The following USH2A variants were observed in gnomAD, a reference collection of about 807,000 sequenced individuals.
USH2A encodes the protein Usher syndrome 2A (autosomal recessive, mild).
In USH2A, 443 loss-of-function variants were observed where a neutral mutation model predicts 538.9. The ratio of observed to expected loss-of-function variants is 0.82; its 90% confidence interval spans 0.76 to 0.89. The LOEUF (loss-of-function observed/expected upper bound fraction) is 0.89. Among genes scored for constraint, USH2A ranks in the 40% least tolerant of loss-of-function variants. USH2A has a pLI of 0.00. For missense variants in USH2A, 6,633 were observed against 6,324.8 expected, an observed-to-expected ratio of 1.05 and a Z score of -1.65; for synonymous variants, 2,413 against 2,273.5, an observed-to-expected ratio of 1.06 and a Z score of -1.75.
rs553767721 is a variant in USH2A at position 215,998,824 on chromosome 1, C to T, written c.6657+63G>A. 231 of 1,558,316 alleles carry T rather than the reference C, an allele frequency of 1.5e-4. No individual in the cohort carries two copies. In the African/African-American group the frequency reaches 2.7e-3, roughly 18 times the overall value. The stretch of plus-strand genomic sequence containing the variant: ...AAGTGAGAGAGAAAGAAAAGATGGA[C>T]CACGGGAAGGGGAGAAGAAGTGGAA... On this transcript the variant is annotated intron_variant, in intron 34 of 71. Coordinates refer to ENST00000307340, the MANE Select transcript of USH2A (RefSeq NM_206933.4).
chr1:216,303,326 T>C (rs1433675024), intron 9 of USH2A, among the ~76,000 whole-genome samples: 1 of 151,976 alleles, frequency 6.6e-6, no homozygotes, highest in East Asian at 1.9e-4. Flanking sequence ...TGCATTATTT[T>C]ACAAAGGACT....
At chr1:215,684,851 G>C (rs2797240) in intron 61 of USH2A, among the ~76,000 whole-genome samples, 143,856 of 152,100 alleles carry the variant, frequency 0.95, 68,465 homozygotes, top group East Asian at 1. Context: ...CCTTAGTTAT[G>C]ATGAATACCA....
chr1:215,780,573 G>T (rs1661603835), intron 54 of USH2A, among the ~76,000 whole-genome samples: 1 of 152,162 alleles, frequency 6.6e-6, no homozygotes, highest in South Asian at 2.1e-4. Flanking sequence ...TCTAAAGAAA[G>T]AAACAAGTCA....
intron 35 of USH2A, among the ~76,000 whole-genome samples, chr1:215,978,685 A>G (rs1485965785): frequency 2.0e-5 from 3 of 152,216 alleles, no homozygotes; most frequent in Admixed American, 2.0e-4. Context: ...ATTAAATAGT[A>G]GACAGTAGGT....
At chr1:215,741,881 T>G (rs1159251511) in intron 59 of USH2A, among the ~76,000 whole-genome samples, 2 of 152,256 alleles carry the variant, frequency 1.3e-5, no homozygotes, top group East Asian at 3.9e-4. Flanking sequence ...TTCACAAGTG[T>G]ATGTGTGACC....
intron 4 of USH2A, among the ~76,000 whole-genome samples, chr1:216,334,908 CA>C: frequency 6.6e-6 from 1 of 151,762 alleles, no homozygotes; most frequent in Non-Finnish European, 1.5e-5. Flanking sequence ...ACACAGAATA[CA>C]AACAGAAATG....
At chr1:216,295,738 T>C (rs573354893) in intron 9 of USH2A, among the ~76,000 whole-genome samples, 1 of 151,794 alleles carries the variant, frequency 6.6e-6, no homozygotes, top group African/African-American at 2.4e-5. Flanking sequence ...ATCAGGGGAG[T>C]CAAACCATGT....
chr1:216,327,611 G>A lies in USH2A; in HGVS notation c.828C>T (p.Tyr276=). Residue 276 remains tyrosine (Y), a synonymous_variant, in exon 5 of 72, where the codon TAC becomes TAT. Transcript: ENST00000307340. ...FVGRMQDFRL[Y]QVALTNREIL... Reference sequence around the variant, plus strand: ...CTTACCTGTTTGTAAGTGCCACTTGGTATAATCGAAAATCTTGCATTCTTC... The same window carrying A: ...CTTACCTGTTTGTAAGTGCCACTTGATATAATCGAAAATCTTGCATTCTTC... 2 of 1,613,166 alleles carry A rather than the reference G, an allele frequency of 1.2e-6. No individual in the cohort carries two copies. The highest frequency in any genetic ancestry group is 8.5e-7 in the Non-Finnish European group (1 of 1,179,468).
At chr1:216,009,350 G>A (rs1179557018) in intron 32 of USH2A, among the ~76,000 whole-genome samples, 1 of 152,036 alleles carries the variant, frequency 6.6e-6, no homozygotes, top group African/African-American at 2.4e-5. Flanking sequence ...TAAAATCTAA[G>A]TGTCTTATTT....
intron 21 of USH2A, among the ~76,000 whole-genome samples, chr1:216,135,142 T>C (rs2033455748): frequency 9.3e-6 from 1 of 107,896 alleles, no homozygotes; most frequent in Non-Finnish European, 1.8e-5. Flanking sequence ...AAACTCTCTC[T>C]CTCTCTCTCT....
chr1:215,743,273 G>A lies in USH2A; in HGVS notation c.11452C>T (p.Pro3818Ser). The change falls in exon 59 of 72, where the codon CCT becomes TCT. Residue 3818 changes from proline to serine, a missense_variant. Transcript: ENST00000307340. The part of the protein sequence containing the change: ...NVLLNDGSVT[P>S]LAFSVGHHQS... ...TGATGACCAACGGAGAAGGCCAGAG[G>A]TGTTACACTTCCATCATTGAGTAAG... 1 of 1,611,470 alleles carries A rather than the reference G, an allele frequency of 6.2e-7. No homozygotes were observed. The highest frequency in any genetic ancestry group is 8.5e-7 in the Non-Finnish European group (1 of 1,179,214).
At chr1:215,754,447 C>A (rs978646621) in intron 58 of USH2A, among the ~76,000 whole-genome samples, 4 of 151,790 alleles carry the variant, frequency 2.6e-5, no homozygotes, top group Non-Finnish European at 5.9e-5. Context: ...GCCAAGTAAC[C>A]ACATAGACAT....
At chr1:216,026,705 T>C (rs1335262233) in intron 32 of USH2A, among the ~76,000 whole-genome samples, 1 of 152,186 alleles carries the variant, frequency 6.6e-6, no homozygotes, top group Non-Finnish European at 1.5e-5. Flanking sequence ...ATAAAGTTCC[T>C]GCCCTCAAAG....
intron 40 of USH2A, among the ~76,000 whole-genome samples, chr1:215,897,555 G>C (rs1665380584): frequency 1.3e-5 from 2 of 151,956 alleles, no homozygotes; most frequent in Admixed American, 1.3e-4. Context: ...TGGGTGTGGT[G>C]GTGGGCATCT....
At chr1:216,258,519 G>T (rs1240369306) in intron 11 of USH2A, among the ~76,000 whole-genome samples, 6 of 152,016 alleles carry the variant, frequency 3.9e-5, no homozygotes, top group Non-Finnish European at 8.8e-5. Context: ...TCCTCTATCT[G>T]CTCTCTGCAA....
chr1:215,914,496 A>C (rs1665900669), intron 38 of USH2A, among the ~76,000 whole-genome samples: 1 of 152,154 alleles, frequency 6.6e-6, no homozygotes, highest in South Asian at 2.1e-4. Context: ...TTTTGTACTT[A>C]AAAGTAACAG....
At chr1:216,339,539 C>G (rs1307816786) in intron 4 of USH2A, among the ~76,000 whole-genome samples, 1 of 151,442 alleles carries the variant, frequency 6.6e-6, no homozygotes, top group Non-Finnish European at 1.5e-5. Context: ...AATTTCAAAG[C>G]CATAAATGTC....
chr1:216,186,594 T>G (rs2102651522), intron 20 of USH2A, among the ~76,000 whole-genome samples: 1 of 152,064 alleles, frequency 6.6e-6, no homozygotes, highest in South Asian at 2.1e-4. Context: ...TTTCACTAAT[T>G]GATTATAACC....
chr1:216,334,824 A>T (rs2037938461), intron 4 of USH2A, among the ~76,000 whole-genome samples: 1 of 151,884 alleles, frequency 6.6e-6, no homozygotes, highest in Non-Finnish European at 1.5e-5. Context: ...TAAAGATTTA[A>T]AGAGAAAAAT....
Sources: gnomAD v4.1 joint callset for allele counts (sites outside exome capture counted in the v4.1 genomes callset) on GRCh38, gnomAD v4.1.1 for gene constraint, MANE v1.5 for transcripts, NCBI Gene and HGNC (gene_info 2026-07-23, HGNC 2026-07-21) for gene names.